MMP12: variants seen among roughly 807,000 people sequenced by gnomAD.
MMP12 encodes matrix metallopeptidase 12.
A neutral mutation model predicts 45.2 loss-of-function variants in MMP12; 51 were observed. That is an observed-to-expected ratio of 1.13 (90% confidence interval 0.90 to 1.42). The LOEUF is 1.42. MMP12 is among the 40% of genes most tolerant of loss of function. The pLI, the probability that MMP12 is intolerant of heterozygous loss-of-function variation, is 0.00. For missense variants in MMP12, 530 were observed against 570.8 expected, an observed-to-expected ratio of 0.93 and a Z score of 0.73; for synonymous variants, 210 against 193.3, an observed-to-expected ratio of 1.09 and a Z score of -0.72.
In MMP12 at chr11:102,866,137, G is replaced by C. The variant is rs3758852; in HGVS notation, c.1045+178C>G. On this transcript the variant is annotated intron_variant, in intron 7 of 9. Transcript: ENST00000571244. The stretch of plus-strand genomic sequence containing the variant: ...TTTTGTAGTTTACAAACTTTTCCCA[G>C]AAGTTGTATATATTACTTAGGTATT... 1.4e-3 allele frequency among the ~76,000 whole-genome samples: 209 copies of C among 152,022 alleles called. 3 individuals carry two copies. In the East Asian group the frequency reaches 0.022, roughly 16 times the overall value.
chr11:102,868,374 G>T (rs545068737), intron 4 of MMP12, among the ~76,000 whole-genome samples: 2 of 152,116 alleles, frequency 1.3e-5, no homozygotes, highest in Non-Finnish European at 2.9e-5. Context: ...GGACAAAATT[G>T]CCTAGGGTTA....
intron 8 of MMP12, 58 bp from the exon 9 acceptor site, chr11:102,864,310 C>G: frequency 9.0e-7 from 1 of 1,107,200 alleles, no homozygotes; most frequent in African/African-American, 1.5e-5. Flanking sequence ...CTGACATGCA[C>G]CACAAACCCA....
At chr11:102,868,792 T>C (rs1555008984) in intron 4 of MMP12, among the ~76,000 whole-genome samples, 3 of 152,150 alleles carry the variant, frequency 2.0e-5, no homozygotes, top group African/African-American at 7.2e-5. Context: ...TTAAAGAGTC[T>C]ATATGACTCA....
chr11:102,871,980 T>C (rs1555009454), intron 2 of MMP12, 28 bp from the exon 3 acceptor site: 3 of 1,582,240 alleles, frequency 1.9e-6, no homozygotes, highest in South Asian at 1.2e-5. Flanking sequence ...GAGAGAAAAA[T>C]GTATGGAAGG....
intron 9 of MMP12, 66 bp from the exon 10 acceptor site, chr11:102,863,266 A>C (rs1859325267): frequency 1.1e-6 from 1 of 910,108 alleles, no homozygotes. Context: ...AACAACAACA[A>C]CACAAATCTC....
chr11:102,873,252 T>C, intron 1 of MMP12, 140 bp from the exon 2 acceptor site: 1 of 769,422 alleles, frequency 1.3e-6, no homozygotes, highest in Non-Finnish European at 2.0e-6. Context: ...TAGATTATTG[T>C]TTTTTGGACA....
At chr11:102,868,838 AAAT>A (rs1348934529) in intron 4 of MMP12, among the ~76,000 whole-genome samples, 7 of 152,350 alleles carry the variant, frequency 4.6e-5, no homozygotes, top group Admixed American at 1.3e-4. Context: ...GAGAAAAAAT[AAAT>A]AATTCTTAAA....
intron 9 of MMP12, among the ~76,000 whole-genome samples, chr11:102,863,608 A>G (rs1166334842): frequency 1.3e-5 from 2 of 152,120 alleles, no homozygotes; most frequent in Non-Finnish European, 2.9e-5. Context: ...AGGAAACAAC[A>G]CTGGGGAGGG....
chr11:102,866,950 A>C (rs949230945), intron 6 of MMP12, among the ~76,000 whole-genome samples: 2 of 152,232 alleles, frequency 1.3e-5, no homozygotes, highest in Non-Finnish European at 2.9e-5. Context: ...GTACTGTTTT[A>C]CAGTCTTGGT....
At chr11:102,869,710 A>G (rs895375312) in intron 4 of MMP12, among the ~76,000 whole-genome samples, 1 of 151,892 alleles carries the variant, frequency 6.6e-6, no homozygotes, top group Non-Finnish European at 1.5e-5. Context: ...CAGGAGTTCG[A>G]GAGCAGCCTG....
At chr11:102,866,541 A>C in intron 6 of MMP12, 93 bp from the exon 7 acceptor site, 1 of 1,292,208 alleles carries the variant, frequency 7.7e-7, no homozygotes, top group Non-Finnish European at 1.1e-6. Flanking sequence ...AAGACCCAAT[A>C]TTTCTTTCCA....
intron 4 of MMP12, among the ~76,000 whole-genome samples, chr11:102,871,323 T>C (rs1484520550): frequency 6.6e-6 from 1 of 152,174 alleles, no homozygotes; most frequent in African/African-American, 2.4e-5. Flanking sequence ...AACTAGCTCA[T>C]AGTTCATAGC....
At position 102,867,184 on chromosome 11, in the gene MMP12, AT is replaced by A; in HGVS notation, c.911+85del. On this transcript the variant is annotated intron_variant, in intron 6 of 9. Coordinates refer to ENST00000571244, the MANE Select transcript of MMP12 (RefSeq NM_002426.6). ...CCTGCTTACAAGTTTCATCTACTTC[AT>A]TTTCAATTATTTTCCACTGTTTTCT... The A allele has an allele frequency of 2.4e-6, 3 of 1,257,948 alleles. 1 individual carries two copies. Among genetic ancestry groups the A allele is most frequent in the Non-Finnish European group, 2.1e-6 (2 of 933,724 alleles). The allele number at this position is 1,257,948 out of a possible 1,614,324, so 77.9% of individuals were successfully genotyped here. A position where few individuals can be genotyped will look rare whatever the true frequency, so the allele number is the denominator to read the frequency against.
rs1555009634 is a variant in MMP12, at chr11:102,873,027, T to A, written c.188A>T (p.Lys63Ile). 2 of 1,613,232 alleles carry A rather than the reference T, an allele frequency of 1.2e-6. No homozygotes were observed. Among genetic ancestry groups the A allele is most frequent in the Non-Finnish European group, 1.7e-6 (2 of 1,179,526 alleles). The part of the protein sequence containing the change: ...MKYSGNLMKE[K>I]IQEMQHFLGL... ...CAAGAAGTGCTGCATTTCTTGGATT[T>A]TTTCCTTCATTAAGTTTCCACTATA... Residue 63 changes from lysine to isoleucine, a missense_variant, in exon 2 of 10, where the codon AAA becomes ATA. Physicochemically the swap from Lys to Ile is moderately radical, Grantham distance 102. Coordinates refer to ENST00000571244, the MANE Select transcript of MMP12 (RefSeq NM_002426.6).
chr11:102,864,914 C>T (rs1324918530), intron 8 of MMP12, among the ~76,000 whole-genome samples: 1 of 152,082 alleles, frequency 6.6e-6, no homozygotes, highest in Admixed American at 6.6e-5. Context: ...AAATCCTGGG[C>T]CAAGTAGGAG....
chr11:102,862,835 T>A lies in MMP12; in HGVS notation c.*265A>T, dbSNP rs1276964341. The stretch of plus-strand genomic sequence containing the variant: ...CAGTCCAAGGATGTTAGGAAGCAAC[T>A]TACAGAGCATGCTTCAAATAGAATT... On this transcript the variant is annotated 3_prime_UTR_variant, in exon 10 of 10. Transcript: ENST00000571244. 8.0e-6 allele frequency: 2 copies of A among 249,900 alleles called. No homozygotes were observed. The highest frequency in any genetic ancestry group is 4.5e-5 in the African/African-American group (2 of 44,688). The allele number at this position is 249,900 out of a possible 1,614,324, so 15.5% of individuals were successfully genotyped here. A position where few individuals can be genotyped will look rare whatever the true frequency, so the allele number is the denominator to read the frequency against.
At chr11:102,872,202 GA>G (rs1859511205) in intron 2 of MMP12, among the ~76,000 whole-genome samples, 1 of 152,118 alleles carries the variant, frequency 6.6e-6, no homozygotes, top group Non-Finnish European at 1.5e-5. Flanking sequence ...TGCTTTCATA[GA>G]AGGTTATGCT....
intron 4 of MMP12, among the ~76,000 whole-genome samples, chr11:102,869,433 C>T (rs1555009082): frequency 2.0e-5 from 3 of 152,100 alleles, no homozygotes. Flanking sequence ...TGAGCCACCA[C>T]CACTGATCCT....
chr11:102,870,894 G>T (rs569717471), intron 4 of MMP12, among the ~76,000 whole-genome samples: 16 of 152,304 alleles, frequency 1.1e-4, no homozygotes, highest in African/African-American at 3.6e-4. Flanking sequence ...GAATCATACA[G>T]ATGACCATCT....
Sources: allele counts gnomAD v4.1 joint callset (sites outside exome capture counted in the v4.1 genomes callset), GRCh38; gene constraint gnomAD v4.1.1; transcripts MANE v1.5; gene names NCBI Gene and HGNC (gene_info 2026-07-23, HGNC 2026-07-21).